The following PARD3B variants were observed in gnomAD, a reference collection of about 807,000 sequenced individuals.
PARD3B encodes the protein partitioning defective 3 homolog B.
In PARD3B, 103 loss-of-function variants were observed where a neutral mutation model predicts 130.2. The observed-to-expected ratio is 0.79, with a 90% CI of 0.67 to 0.93. The LOEUF (loss-of-function observed/expected upper bound fraction) is 0.93. Among genes scored for constraint, PARD3B ranks in the 40% least tolerant of loss-of-function variants. The pLI is 0.00. For synonymous variants in PARD3B, 583 were observed against 553.2 expected, an observed-to-expected ratio of 1.05 and a Z score of -0.76; for missense variants, 1,609 against 1,499.2, an observed-to-expected ratio of 1.07 and a Z score of -1.21.
At chr2:205,179,096 G>A (rs2035645378) in intron 13 of PARD3B, among the ~76,000 whole-genome samples, 1 of 152,080 alleles carries the variant, frequency 6.6e-6, no homozygotes, top group African/African-American at 2.4e-5. Flanking sequence ...CTAGGCTAAT[G>A]TGTGTTTGTG....
chr2:205,339,049 C>A (rs919838420), intron 18 of PARD3B, among the ~76,000 whole-genome samples: 1 of 152,074 alleles, frequency 6.6e-6, no homozygotes, highest in Non-Finnish European at 1.5e-5. Context: ...TTGTAAAATT[C>A]GCTTGAAGTT....
chr2:204,781,402 C>T (rs1248676364), intron 2 of PARD3B, among the ~76,000 whole-genome samples: 1 of 152,092 alleles, frequency 6.6e-6, no homozygotes, highest in Non-Finnish European at 1.5e-5. Flanking sequence ...TACATGTAAA[C>T]ATCTGTACTT....
chr2:204,635,754 G>A (rs2125146053), intron 1 of PARD3B, among the ~76,000 whole-genome samples: 1 of 152,220 alleles, frequency 6.6e-6, no homozygotes, highest in Middle Eastern at 3.4e-3. Context: ...GTAAAATGGG[G>A]ATAATAATAA....
chr2:205,114,014 T>C, intron 6 of PARD3B, among the ~76,000 whole-genome samples: 1 of 152,278 alleles, frequency 6.6e-6, no homozygotes, highest in East Asian at 1.9e-4. Flanking sequence ...TATTCTAACA[T>C]TTTAAGTAGC....
chr2:205,242,904 C>T (rs537358916), intron 15 of PARD3B, among the ~76,000 whole-genome samples: 22 of 152,136 alleles, frequency 1.4e-4, no homozygotes, highest in Non-Finnish European at 2.5e-4. Context: ...CAGTGGTTCA[C>T]GCCTGTAATC....
At chr2:205,573,016 G>A (rs531100518) in intron 22 of PARD3B, among the ~76,000 whole-genome samples, 106 of 152,270 alleles carry the variant, frequency 7.0e-4, no homozygotes, top group African/African-American at 2.4e-3. Context: ...TCTTCACATG[G>A]CAGCAGCAAG....
chr2:204,681,274 T>A (rs1185457699), intron 1 of PARD3B, among the ~76,000 whole-genome samples: 1 of 152,208 alleles, frequency 6.6e-6, no homozygotes, highest in Non-Finnish European at 1.5e-5. Flanking sequence ...CATAGATTTT[T>A]AGATCTGGAA....
rs1559035123 is a variant in PARD3B, at chr2:205,380,952, A to AAGAATATAT, written c.2631-20061_2631-20060insAGAATATAT. 1.1e-3 allele frequency among the ~76,000 whole-genome samples: 70 copies of AAGAATATAT among 63,618 alleles called. 8 individuals carry two copies. The highest frequency in any genetic ancestry group is 2.7e-3 in the African/African-American group (33 of 12,020). 41.7% of individuals were successfully genotyped at this position (63,618 alleles called of 152,430 possible). On this transcript the variant is annotated intron_variant, in intron 18 of 22. Coordinates refer to ENST00000406610, the MANE Select transcript of PARD3B (RefSeq NM_001302769.2). ...ATATAAAGAATATATATAATATATA[A>AAGAATATAT]TGTATATAATATCTAAAGAATATAT...
chr2:204,696,271 A>G (rs2037608599), intron 2 of PARD3B, among the ~76,000 whole-genome samples: 2 of 151,990 alleles, frequency 1.3e-5, no homozygotes, highest in African/African-American at 4.8e-5. Context: ...TAACGGAAGA[A>G]AAAAACGGAA....
chr2:205,572,624 A>C lies in PARD3B; in HGVS notation c.3260+19221A>C, dbSNP rs2053600273. Among the ~76,000 whole-genome samples the C allele has an allele frequency of 6.6e-6, 1 of 152,178 alleles. No individual in the cohort carries two copies. On this transcript the variant is annotated intron_variant, in intron 22 of 22. Transcript: ENST00000406610. The surrounding 1 kb of genome is among the most constrained non-coding windows in gnomAD (Gnocchi z 4.2). ...GCCGGGCATAGTGGTGGGCACCTGT[A>C]GTCCCAGTTACTCGGGAGGCTGAGG...
chr2:204,747,308 T>C (rs2040278254), intron 2 of PARD3B, among the ~76,000 whole-genome samples: 1 of 151,966 alleles, frequency 6.6e-6, no homozygotes, highest in South Asian at 2.1e-4. Context: ...TAGAGCCAAA[T>C]CATGAGTGAA....
intron 2 of PARD3B, among the ~76,000 whole-genome samples, chr2:204,773,499 A>C (rs938627531): frequency 6.6e-6 from 1 of 152,084 alleles, no homozygotes; most frequent in Non-Finnish European, 1.5e-5. Flanking sequence ...ATAGTCATAA[A>C]TTTACCATTC....
At chr2:205,379,657 A>G (rs1291624932) in intron 18 of PARD3B, among the ~76,000 whole-genome samples, 1 of 152,046 alleles carries the variant, frequency 6.6e-6, no homozygotes, top group Non-Finnish European at 1.5e-5. Flanking sequence ...TCTGCTTACT[A>G]TGTACCATCC....
At chr2:205,395,539 G>T (rs1295894118) in intron 18 of PARD3B, among the ~76,000 whole-genome samples, 2 of 151,982 alleles carry the variant, frequency 1.3e-5, no homozygotes, top group African/African-American at 4.8e-5. Context: ...CAGTTTTTCA[G>T]GACTTAGGCA....
At chr2:204,755,615 A>G (rs1236553942) in intron 2 of PARD3B, among the ~76,000 whole-genome samples, 1 of 152,182 alleles carries the variant, frequency 6.6e-6, no homozygotes, top group Non-Finnish European at 1.5e-5. Flanking sequence ...TTTTTCTCCC[A>G]GTAAAGCACA....
chr2:205,065,248 A>T (rs548519157), intron 4 of PARD3B, among the ~76,000 whole-genome samples: 4 of 152,322 alleles, frequency 2.6e-5, no homozygotes, highest in Admixed American at 6.5e-5. Context: ...AGATTACAAT[A>T]TATCTGACAA....
rs146008003 is a variant in PARD3B at position 205,566,401 on chromosome 2, C to T, written c.3260+12998C>T. On this transcript the variant is annotated intron_variant, in intron 22 of 22. Coordinates refer to ENST00000406610, the MANE Select transcript of PARD3B (RefSeq NM_001302769.2). ...AGGGTGATGGTGATGAAAGCAGAAT[C>T]GGAGAGAAGTGGGAGGAGCTGATGA... is the stretch of plus-strand genomic sequence containing the variant. Among the ~76,000 whole-genome samples the T allele has an allele frequency of 3.7e-4, 56 of 152,146 alleles. No homozygotes were observed. The East Asian group carries it at 9.9e-3, about 27-fold the overall frequency.
At chr2:204,951,427 T>C (rs1451268820) in intron 2 of PARD3B, among the ~76,000 whole-genome samples, 2 of 152,148 alleles carry the variant, frequency 1.3e-5, no homozygotes, top group Admixed American at 6.5e-5. Context: ...TGCCAGCAAA[T>C]ACACCTCTGA....
In PARD3B at chr2:205,133,066, T is replaced by TA. The variant is rs376301930; in HGVS notation, c.1434+7336dup. On this transcript the variant is annotated intron_variant, in intron 10 of 22. Coordinates refer to ENST00000406610, the MANE Select transcript of PARD3B (RefSeq NM_001302769.2). ...CCTGTACAATTCTTTTAAACCAAAT[T>TA]AAAAAAATATATGCAGGGATTTTCT... 9.9e-3 allele frequency among the ~76,000 whole-genome samples: 1,513 copies of TA among 152,156 alleles called. 26 individuals carry two copies. Among genetic ancestry groups the TA allele is most frequent in the African/African-American group, 0.035 (1,436 of 41,514 alleles).
Sources: allele counts gnomAD v4.1 joint callset (sites outside exome capture counted in the v4.1 genomes callset), GRCh38; gene constraint gnomAD v4.1.1; non-coding constraint Gnocchi (gnomAD v3.1); transcripts MANE v1.5; gene names NCBI Gene and HGNC (gene_info 2026-07-23, HGNC 2026-07-21).